CACNG4: variants seen among roughly 807,000 people sequenced by gnomAD.
The protein encoded by CACNG4 is calcium voltage-gated channel auxiliary subunit gamma 4.
CACNG4 carries 8 observed loss-of-function variants against 22.9 expected under a neutral mutation model. That is an observed-to-expected ratio of 0.35 (90% CI 0.21 to 0.63). The LOEUF (loss-of-function observed/expected upper bound fraction) is 0.63, where lower values mean the gene tolerates loss of function less well. Ranked by LOEUF, CACNG4 falls within the 30% of genes least tolerant of loss-of-function variation. CACNG4 has a pLI of 0.72. For missense variants in CACNG4, 357 were observed against 455.4 expected (o/e 0.78, Z 1.97); for synonymous variants, 188 against 191.9 (o/e 0.98, Z 0.17).
rs1031764382 is a variant in CACNG4 at position 66,992,134 on chromosome 17, G to A, written c.221-26055G>A. Among the ~76,000 whole-genome samples the A allele has an allele frequency of 2.0e-5, 3 of 147,908 alleles. No individual in the cohort carries two copies. In the Admixed American group the frequency reaches 2.0e-4, roughly 10 times the overall value. On this transcript the variant is annotated intron_variant, in intron 1 of 3. Transcript: ENST00000262138. ...CTGAATGTGTTATGTCATGTCACGG[G>A]GTACCTGGTTGCTCCGCCAAGCTCC... is the stretch of plus-strand genomic sequence containing the variant.
At chr17:67,014,169 G>T (rs1832329403) in intron 1 of CACNG4, among the ~76,000 whole-genome samples, 1 of 152,174 alleles carries the variant, frequency 6.6e-6, no homozygotes, top group African/African-American at 2.4e-5. Flanking sequence ...CAGCCAGCCA[G>T]GATCTCACAA....
chr17:67,022,996 G>C (rs1783949935), intron 2 of CACNG4, among the ~76,000 whole-genome samples: 1 of 152,206 alleles, frequency 6.6e-6, no homozygotes, highest in Admixed American at 6.5e-5. Context: ...TGGTGTGGAA[G>C]CCAGAAGCCC....
chr17:67,024,643 G>T (rs2035552147), intron 2 of CACNG4, among the ~76,000 whole-genome samples: 1 of 152,216 alleles, frequency 6.6e-6, no homozygotes, highest in Admixed American at 6.5e-5. Context: ...TGACTCCAGG[G>T]TGAAGGGCAG....
At chr17:66,981,978 G>A (rs887594783) in intron 1 of CACNG4, among the ~76,000 whole-genome samples, 1 of 152,178 alleles carries the variant, frequency 6.6e-6, no homozygotes, top group Admixed American at 6.5e-5. Flanking sequence ...CTGTCACACA[G>A]GCTAGAGTGC....
intron 1 of CACNG4, among the ~76,000 whole-genome samples, chr17:66,993,813 G>A (rs958537178): frequency 2.0e-5 from 3 of 152,026 alleles, no homozygotes; most frequent in East Asian, 1.9e-4. Flanking sequence ...ACCAGACGGC[G>A]TTTCATCATA....
At chr17:67,029,581 C>T (rs2035588998) in intron 3 of CACNG4, among the ~76,000 whole-genome samples, 1 of 152,166 alleles carries the variant, frequency 6.6e-6, no homozygotes, top group African/African-American at 2.4e-5. Flanking sequence ...TTGCAGTGAG[C>T]CGAGATCGCG....
chr17:66,975,477 T>C (rs2035230707), intron 1 of CACNG4, among the ~76,000 whole-genome samples: 1 of 152,192 alleles, frequency 6.6e-6, no homozygotes, highest in African/African-American at 2.4e-5. Flanking sequence ...TTTCCTTCAT[T>C]GTTAAGTTAG....
intron 3 of CACNG4, among the ~76,000 whole-genome samples, chr17:67,026,179 G>A (rs1051145100): frequency 2.7e-5 from 4 of 149,212 alleles, no homozygotes; most frequent in African/African-American, 7.4e-5. Context: ...TTGTGTGTGA[G>A]GAGTGTGGTG....
intron 1 of CACNG4, among the ~76,000 whole-genome samples, chr17:67,017,523 GT>G (rs1567758202): frequency 4.0e-5 from 6 of 149,362 alleles, no homozygotes; most frequent in Non-Finnish European, 7.4e-5. Flanking sequence ...TGTTGTTGTT[GT>G]TTGTTGTTGT....
At chr17:67,004,087 C>T (rs989429318) in intron 1 of CACNG4, among the ~76,000 whole-genome samples, 9 of 152,172 alleles carry the variant, frequency 5.9e-5, no homozygotes, top group South Asian at 2.1e-4. Flanking sequence ...AGAGCTGTTT[C>T]GCCCTTTACA....
chr17:67,014,947 A>C (rs1396440939), intron 1 of CACNG4, among the ~76,000 whole-genome samples: 9 of 147,560 alleles, frequency 6.1e-5, no homozygotes, highest in Non-Finnish European at 1.3e-4. Flanking sequence ...CAAAAACAAA[A>C]AAAAAAAAAA....
At chr17:66,971,545 T>C (rs1218076417) in intron 1 of CACNG4, among the ~76,000 whole-genome samples, 1 of 152,106 alleles carries the variant, frequency 6.6e-6, no homozygotes, top group African/African-American at 2.4e-5. Context: ...TATGAGGCAG[T>C]TGGCACTTCT....
intron 1 of CACNG4, among the ~76,000 whole-genome samples, chr17:66,985,726 C>T (rs2035301595): frequency 6.6e-6 from 1 of 152,174 alleles, no homozygotes; most frequent in Admixed American, 6.5e-5. Flanking sequence ...TCCTGTTCCT[C>T]AAAGAAATCA....
intron 3 of CACNG4, among the ~76,000 whole-genome samples, chr17:67,025,564 A>T (rs926817293): frequency 6.6e-6 from 1 of 152,090 alleles, no homozygotes; most frequent in African/African-American, 2.4e-5. Context: ...TCGGCAGAGC[A>T]GGCGGCCCCC....
At chr17:67,008,702 C>G (rs1428675751) in intron 1 of CACNG4, among the ~76,000 whole-genome samples, 1 of 152,162 alleles carries the variant, frequency 6.6e-6, no homozygotes. Flanking sequence ...TCAAATGAGG[C>G]CTTTTGAGGC....
intron 1 of CACNG4, among the ~76,000 whole-genome samples, chr17:67,011,615 T>C (rs1444921061): frequency 6.6e-6 from 1 of 150,958 alleles, no homozygotes; most frequent in Non-Finnish European, 1.5e-5. Flanking sequence ...CTCTGTAAAA[T>C]GCTCTTGAGG....
chr17:67,013,769 C>T (rs59740437), intron 1 of CACNG4, among the ~76,000 whole-genome samples: 3,933 of 151,446 alleles, frequency 0.026, 164 homozygotes, highest in African/African-American at 0.091. Flanking sequence ...CATGCCATTG[C>T]GCTCCAACCT....
intron 1 of CACNG4, 33 bp from the exon 2 acceptor site, chr17:67,018,156 T>C: frequency 6.6e-7 from 1 of 1,525,542 alleles, no homozygotes; most frequent in South Asian, 1.1e-5. Flanking sequence ...CCAGACAGCA[T>C]TTACAGTGTT....
chr17:67,018,384 G>T, intron 2 of CACNG4, 112 bp downstream of exon 2: 1 of 758,808 alleles, frequency 1.3e-6, no homozygotes, highest in Non-Finnish European at 2.3e-6. Flanking sequence ...TCTTGGGATG[G>T]TCCACTCACT....
Sources: allele counts gnomAD v4.1 joint callset (sites outside exome capture counted in the v4.1 genomes callset), GRCh38; gene constraint gnomAD v4.1.1; transcripts MANE v1.5; gene names NCBI Gene and HGNC (gene_info 2026-07-23, HGNC 2026-07-21).